LEF1: variants seen among roughly 807,000 people sequenced by gnomAD.
The protein encoded by LEF1 is lymphoid enhancer binding factor 1, also known as lymphoid enhancer-binding factor 1.
In LEF1, 14 loss-of-function variants were observed where a neutral mutation model predicts 51.2. The ratio of observed to expected loss-of-function variants is 0.27; its 90% CI spans 0.18 to 0.43. The LOEUF is 0.43. Ranked by LOEUF, LEF1 falls within the 20% of genes least tolerant of loss-of-function variation. LEF1 has a pLI of 1.00. For synonymous variants in LEF1, 185 were observed against 183.2 expected, an observed-to-expected ratio of 1.01 and a Z score of -0.08; for missense variants, 386 against 512.0, an observed-to-expected ratio of 0.75 and a Z score of 2.37.
chr4:108,070,169 A>C (rs1338530611), intron 9 of LEF1, among the ~76,000 whole-genome samples: 1 of 152,142 alleles, frequency 6.6e-6, no homozygotes, highest in African/African-American at 2.4e-5. Context: ...ATAAATTGTG[A>C]AATTCACTTA....
rs575464852 is a variant in LEF1, at chr4:108,055,584, A to T, written c.*7-6833T>A. On this transcript the variant is annotated intron_variant, in intron 11 of 11. Coordinates refer to ENST00000265165, the MANE Select transcript of LEF1 (RefSeq NM_016269.5). ...GTAACAAACAGTTCTATTAAACAAA[A>T]TTTATCCAAAATACTTCTTTTTTAT... is the stretch of plus-strand genomic sequence containing the variant. 5.3e-5 allele frequency among the ~76,000 whole-genome samples: 8 copies of T among 152,326 alleles called. No homozygotes were observed. In the South Asian group the frequency reaches 1.7e-3, roughly 32 times the overall value.
At chr4:108,119,661 C>A (rs548285385) in intron 3 of LEF1, among the ~76,000 whole-genome samples, 1 of 152,176 alleles carries the variant, frequency 6.6e-6, no homozygotes, top group East Asian at 1.9e-4. Flanking sequence ...ATCACGATAG[C>A]CTTCATTACA....
chr4:108,140,367 C>T lies in LEF1; in HGVS notation c.414+23201G>A, dbSNP rs17038648. On this transcript the variant is annotated intron_variant, in intron 3 of 11. Transcript: ENST00000265165. ...CCCACTTCAACTCTGCACTTGTCCT[C>T]CGTGTTTCCTTGGCATATCTGCTCC... Among the ~76,000 whole-genome samples the T allele has an allele frequency of 8.1e-3, 1,232 of 152,298 alleles. 14 individuals carry two copies. The highest frequency in any genetic ancestry group is 0.028 in the African/African-American group (1,153 of 41,556).
At chr4:108,072,352 A>G (rs1738546809) in intron 8 of LEF1, 1 of 152,264 alleles carries the variant, frequency 6.6e-6, no homozygotes, top group African/African-American at 2.4e-5. Context: ...ACAACAGTAC[A>G]TGAAGCTGAT....
intron 11 of LEF1, among the ~76,000 whole-genome samples, chr4:108,058,253 T>TA (rs1737436807): frequency 1.3e-5 from 2 of 152,190 alleles, no homozygotes; most frequent in Admixed American, 1.3e-4. Flanking sequence ...ATAAAGTATC[T>TA]AAAAATATCT....
At chr4:108,079,460 G>T in intron 7 of LEF1, 32 bp downstream of exon 7, 1 of 1,612,280 alleles carries the variant, frequency 6.2e-7, no homozygotes. Flanking sequence ...GTATCCTAAG[G>T]CAATCACAGC....
At chr4:108,138,420 T>C (rs1743434388) in intron 3 of LEF1, among the ~76,000 whole-genome samples, 1 of 152,132 alleles carries the variant, frequency 6.6e-6, no homozygotes, top group Non-Finnish European at 1.5e-5. Context: ...TTTAGGAACT[T>C]GCATGGCAGT....
At chr4:108,094,078 G>A (rs896116854) in intron 3 of LEF1, among the ~76,000 whole-genome samples, 1 of 152,204 alleles carries the variant, frequency 6.6e-6, no homozygotes, top group Non-Finnish European at 1.5e-5. Flanking sequence ...TGGCTCTAGA[G>A]GCCAAGCTCA....
intron 3 of LEF1, among the ~76,000 whole-genome samples, chr4:108,158,231 A>T (rs187570516): frequency 7.9e-5 from 12 of 152,338 alleles, no homozygotes; most frequent in Admixed American, 5.9e-4. Context: ...ATAATTTTTA[A>T]ATTATCTGAA....
At chr4:108,128,166 T>C (rs1395434641) in intron 3 of LEF1, among the ~76,000 whole-genome samples, 2 of 152,130 alleles carry the variant, frequency 1.3e-5, no homozygotes, top group African/African-American at 4.8e-5. Context: ...TAAATACACA[T>C]GCAAACTCTA....
chr4:108,073,831 C>T (rs953537678), intron 8 of LEF1, among the ~76,000 whole-genome samples: 3 of 150,940 alleles, frequency 2.0e-5, no homozygotes, highest in African/African-American at 4.9e-5. Context: ...TAACCCCCCC[C>T]CCTTTTTTTT....
chr4:108,114,783 G>A (rs1356494508), intron 3 of LEF1, among the ~76,000 whole-genome samples: 3 of 152,200 alleles, frequency 2.0e-5, no homozygotes, highest in Non-Finnish European at 2.9e-5. Context: ...GTTACATCAC[G>A]TTGAAGTGTA....
At chr4:108,064,914 T>C (rs981948325) in intron 9 of LEF1, among the ~76,000 whole-genome samples, 2 of 152,052 alleles carry the variant, frequency 1.3e-5, no homozygotes, top group Admixed American at 6.6e-5. Flanking sequence ...TGATTAAAAG[T>C]TCCCTGGTGT....
intron 3 of LEF1, among the ~76,000 whole-genome samples, chr4:108,150,748 C>T (rs76701603): frequency 0.012 from 1,891 of 152,218 alleles, 41 homozygotes; most frequent in African/African-American, 0.042. Context: ...CTTCTCTGTG[C>T]CTCAGTTTCT....
chr4:108,166,421 CT>C, intron 1 of LEF1: 1 of 1,418,724 alleles, frequency 7.0e-7, no homozygotes, highest in Non-Finnish European at 9.2e-7. Flanking sequence ...CTCCAAGTTT[CT>C]TTGGAGGGAA....
At chr4:108,120,910 A>G (rs896006159) in intron 3 of LEF1, among the ~76,000 whole-genome samples, 1 of 152,256 alleles carries the variant, frequency 6.6e-6, no homozygotes, top group Non-Finnish European at 1.5e-5. Flanking sequence ...CCTTAAAACA[A>G]TAGGCTCATT....
At chr4:108,128,324 G>A (rs1742671635) in intron 3 of LEF1, among the ~76,000 whole-genome samples, 1 of 151,994 alleles carries the variant, frequency 6.6e-6, no homozygotes, top group Admixed American at 6.6e-5. Flanking sequence ...ATGGGTTTAA[G>A]AAAAACAACA....
intron 3 of LEF1, among the ~76,000 whole-genome samples, chr4:108,101,292 C>T (rs980056068): frequency 3.9e-5 from 6 of 152,114 alleles, no homozygotes; most frequent in African/African-American, 4.8e-5. Context: ...ATGCAGCTTT[C>T]GACATGAGGC....
At chr4:108,116,906 AGTGCCCACAAGT>A (rs1741877930) in intron 3 of LEF1, among the ~76,000 whole-genome samples, 1 of 152,236 alleles carries the variant, frequency 6.6e-6, no homozygotes, top group South Asian at 2.1e-4. Context: ...GCACTGTGTA[AGTGCCCACAAGT>A]AAAGAGACTG....
Sources: allele counts gnomAD v4.1 joint callset (sites outside exome capture counted in the v4.1 genomes callset), GRCh38; gene constraint gnomAD v4.1.1; transcripts MANE v1.5; gene names NCBI Gene and HGNC (gene_info 2026-07-23, HGNC 2026-07-21).